Variants in KCNQ5 observed in about 807,000 individuals in gnomAD.
KCNQ5 encodes potassium voltage-gated channel subfamily KQT member 5.
In KCNQ5, 30 loss-of-function variants were observed where a neutral mutation model predicts 98.2. The observed-to-expected ratio is 0.31, with a 90% CI of 0.23 to 0.41. KCNQ5 has a LOEUF of 0.41. Ranked by LOEUF, KCNQ5 falls within the 10% of genes least tolerant of loss-of-function variation. The pLI is 1.00. For missense variants in KCNQ5, 835 were observed against 1,182.5 expected, an observed-to-expected ratio of 0.71 and a Z score of 4.31; for synonymous variants, 458 against 449.4, an observed-to-expected ratio of 1.02 and a Z score of -0.24.
intron 1 of KCNQ5, among the ~76,000 whole-genome samples, chr6:72,934,150 C>T (rs140171368): frequency 5.3e-5 from 8 of 152,236 alleles, no homozygotes; most frequent in East Asian, 1.9e-4. Context: ...GCTTGAGTTA[C>T]GGGGTTTCTC....
chr6:73,096,468 A>T (rs756075971), intron 5 of KCNQ5, among the ~76,000 whole-genome samples: 2 of 152,008 alleles, frequency 1.3e-5, no homozygotes, highest in East Asian at 3.9e-4. Context: ...AGAACCCTGC[A>T]GGCCATGGAG....
chr6:73,058,361 C>T (rs907735447), intron 3 of KCNQ5, among the ~76,000 whole-genome samples: 8 of 151,932 alleles, frequency 5.3e-5, no homozygotes, highest in African/African-American at 1.5e-4. Flanking sequence ...TGCAGTGAGC[C>T]GAGATGCTGC....
chr6:72,686,174 T>C (rs1161964121), intron 1 of KCNQ5, among the ~76,000 whole-genome samples: 1 of 152,198 alleles, frequency 6.6e-6, no homozygotes, highest in Non-Finnish European at 1.5e-5. Context: ...CTTTAATATG[T>C]TGAAAATTCA....
intron 1 of KCNQ5, among the ~76,000 whole-genome samples, chr6:72,933,151 T>A (rs1363534435): frequency 6.6e-6 from 1 of 152,166 alleles, no homozygotes; most frequent in African/African-American, 2.4e-5. Context: ...TATGATAAAT[T>A]AAAATCACCT....
intron 1 of KCNQ5, among the ~76,000 whole-genome samples, chr6:72,791,296 C>G (rs1049895000): frequency 1.3e-5 from 2 of 152,078 alleles, no homozygotes; most frequent in African/African-American, 4.8e-5. Flanking sequence ...CACGTGTGTG[C>G]ATGTGCGCAC....
At chr6:72,787,562 T>G (rs999246144) in intron 1 of KCNQ5, among the ~76,000 whole-genome samples, 6 of 151,804 alleles carry the variant, frequency 4.0e-5, no homozygotes, top group Non-Finnish European at 8.8e-5. Flanking sequence ...AATTGAATGC[T>G]GTAGCCAATC....
Position 73,096,308 on chromosome 6 carries a change from G to A in KCNQ5, c.919-8949G>A, listed in dbSNP as rs117143418. On this transcript the variant is annotated intron_variant, in intron 5 of 13. Transcript: ENST00000370398. ...CCTGGAAGTAACAGAAATTCAGAAA[G>A]AGAAAAGCAAGGGCAAAGGTCCTTA... 7.2e-3 allele frequency among the ~76,000 whole-genome samples: 807 copies of A among 112,794 alleles called. 26 individuals carry two copies. The East Asian group carries it at 0.098, about 14-fold the overall frequency. The allele number at this position is 112,794 out of a possible 152,430, so 74.0% of individuals were successfully genotyped here.
rs767342485 is a variant in KCNQ5 at position 73,042,049 on chromosome 6, C to G, written c.603C>G (p.Pro201=). 2.5e-6 allele frequency: 4 copies of G among 1,613,838 alleles called. No individual in the cohort carries two copies. In the South Asian group the frequency reaches 3.3e-5, roughly 13 times the overall value. The part of the protein sequence containing the change: ...WQGRLRFARK[P]FCVIDTIVLI... ...GAAGACTGAGGTTTGCTCGAAAGCC[C>G]TTCTGTGTTATAGGTGAATATCAGA... Residue 201 remains proline, a synonymous_variant, in exon 3 of 14, where the codon CCC becomes CCG. Transcript: ENST00000370398.
chr6:73,135,298 G>A lies in KCNQ5; in HGVS notation c.1468+1657G>A, dbSNP rs180992100. The A allele has an allele frequency of 2.5e-3, 378 of 151,920 alleles. 5 individuals are homozygous for A. The highest frequency in any genetic ancestry group is 7.5e-3 in the African/African-American group (312 of 41,462). The allele number at this position is 151,920 out of a possible 1,614,324, so 9.4% of individuals were successfully genotyped here. ...GTGTGAACAGTTACCTTTGAGTGGT[G>A]AGATCACAGTTATATTTTGTTTCTT... On this transcript the variant is annotated intron_variant, in intron 10 of 13. Transcript: ENST00000370398.
intron 1 of KCNQ5, among the ~76,000 whole-genome samples, chr6:72,942,864 A>G (rs932496249): frequency 6.6e-6 from 1 of 152,212 alleles, no homozygotes; most frequent in Non-Finnish European, 1.5e-5. Flanking sequence ...AAATGGCTGT[A>G]GTTTTTAATG....
chr6:72,638,280 G>C (rs1022880030), intron 1 of KCNQ5, among the ~76,000 whole-genome samples: 3 of 152,070 alleles, frequency 2.0e-5, no homozygotes, highest in African/African-American at 7.2e-5. Flanking sequence ...ATCTCTAGCA[G>C]GAAAGATTGC....
rs748052608 is a variant in KCNQ5, at chr6:73,133,656, T to C, written c.1468+15T>C. On this transcript the variant is annotated intron_variant, in intron 10 of 13. Coordinates refer to ENST00000370398, the MANE Select transcript of KCNQ5 (RefSeq NM_019842.4). ...AGTGATAGATGGTAAGCCCTGTTTT[T>C]CCATAACCATTTTTAATTGGATAGG... 3 of 1,610,430 alleles carry C rather than the reference T, an allele frequency of 1.9e-6. No homozygotes were observed. Among genetic ancestry groups the C allele is most frequent in the Admixed American group, 1.7e-5 (1 of 60,016 alleles).
At chr6:72,863,624 A>G (rs895493023) in intron 1 of KCNQ5, among the ~76,000 whole-genome samples, 9 of 152,318 alleles carry the variant, frequency 5.9e-5, no homozygotes, top group African/African-American at 2.2e-4. Flanking sequence ...AGCTCATGAT[A>G]GGTAATGGGG....
intron 1 of KCNQ5, among the ~76,000 whole-genome samples, chr6:72,845,015 T>G (rs549513365): frequency 6.6e-6 from 1 of 152,318 alleles, no homozygotes; most frequent in Non-Finnish European, 1.5e-5. Flanking sequence ...TAATTGCAAC[T>G]GCCAAAATAA....
At chr6:72,800,260 A>C (rs62412465) in intron 1 of KCNQ5, among the ~76,000 whole-genome samples, 6 of 152,126 alleles carry the variant, frequency 3.9e-5, no homozygotes, top group African/African-American at 1.4e-4. Flanking sequence ...ATCTGGTCCT[A>C]GACTCTTTTT....
At chr6:73,146,602 G>C (rs1034069770) in intron 10 of KCNQ5, among the ~76,000 whole-genome samples, 22 of 133,008 alleles carry the variant, frequency 1.7e-4, no homozygotes, top group African/African-American at 7.4e-4. Flanking sequence ...ACTCCATCCT[G>C]GGCAACAGAA....
chr6:72,695,034 A>G (rs532055072), intron 1 of KCNQ5, among the ~76,000 whole-genome samples: 1 of 152,304 alleles, frequency 6.6e-6, no homozygotes, highest in African/African-American at 2.4e-5. Flanking sequence ...TGCAAAGGAT[A>G]TGGTTTCATT....
intron 1 of KCNQ5, among the ~76,000 whole-genome samples, chr6:72,901,049 C>T (rs763043811): frequency 2.6e-5 from 4 of 151,808 alleles, no homozygotes; most frequent in Non-Finnish European, 5.9e-5. Context: ...CATATGTATA[C>T]GTGTGCCATG....
intron 1 of KCNQ5, among the ~76,000 whole-genome samples, chr6:72,760,967 T>C (rs772935415): frequency 6.6e-6 from 1 of 152,302 alleles, no homozygotes; most frequent in South Asian, 2.1e-4. Flanking sequence ...GATTTCATGA[T>C]ATTTTTACCC....
Sources: gnomAD v4.1 joint callset for allele counts (sites outside exome capture counted in the v4.1 genomes callset) on GRCh38, gnomAD v4.1.1 for gene constraint, MANE v1.5 for transcripts, NCBI Gene and HGNC (gene_info 2026-07-23, HGNC 2026-07-21) for gene names.